Variants in WFDC3 observed in about 807,000 individuals in gnomAD.
WFDC3 encodes WAP four-disulfide core domain 3.
A neutral mutation model predicts 25.8 loss-of-function variants in WFDC3; 15 were observed. That is an observed-to-expected ratio of 0.58 (90% CI 0.39 to 0.89). The LOEUF is 0.89. Ranked by LOEUF, WFDC3 falls within the 40% of genes least tolerant of loss-of-function variation. WFDC3 has a pLI of 0.00. For synonymous variants in WFDC3, 103 were observed against 107.1 expected, an observed-to-expected ratio of 0.96 and a Z score of 0.24; for missense variants, 264 against 289.8, an observed-to-expected ratio of 0.91 and a Z score of 0.65.
intron 4 of WFDC3, among the ~76,000 whole-genome samples, chr20:45,782,620 C>T (rs1980499059): frequency 1.3e-5 from 2 of 152,132 alleles, no homozygotes; most frequent in Non-Finnish European, 2.9e-5. Context: ...TCGTGATCTG[C>T]CCGCATTGGC....
intron 4 of WFDC3, among the ~76,000 whole-genome samples, chr20:45,780,210 G>A (rs1216372675): frequency 6.6e-6 from 1 of 151,636 alleles, no homozygotes; most frequent in African/African-American, 2.4e-5. Context: ...CTGAGTAGCT[G>A]AACTATAGGC....
rs1233590377 is a variant in WFDC3 at position 45,775,401 on chromosome 20, A to G, written c.679+16T>C. On this transcript the variant is annotated intron_variant, in intron 6 of 6. Transcript: ENST00000243938. ...GCAGTTGTCTGTTATTGTTGATGAC[A>G]ATGGACTGTACTCACCTAATTCGGA... 6.2e-7 allele frequency: 1 copy of G among 1,612,100 alleles called. No individual in the cohort carries two copies. Among genetic ancestry groups the G allele is most frequent in the Non-Finnish European group, 8.5e-7 (1 of 1,178,660 alleles).
At chr20:45,790,915 T>A in intron 1 of WFDC3, 1 of 471,148 alleles carries the variant, frequency 2.1e-6, no homozygotes, top group East Asian at 6.9e-5. Context: ...ACTCAAATAG[T>A]CTGCCCACAT....
intron 4 of WFDC3, among the ~76,000 whole-genome samples, chr20:45,784,967 C>T (rs1980604827): frequency 6.6e-6 from 1 of 152,182 alleles, no homozygotes; most frequent in Admixed American, 6.5e-5. Context: ...AGGACTCCGA[C>T]AACCCAAACC....
At chr20:45,782,941 C>T (rs1234544869) in intron 4 of WFDC3, among the ~76,000 whole-genome samples, 1 of 152,202 alleles carries the variant, frequency 6.6e-6, no homozygotes, top group Non-Finnish European at 1.5e-5. Flanking sequence ...CTGGGCCCTG[C>T]CTACCTCTCC....
chr20:45,779,553 C>T (rs749692853), intron 4 of WFDC3, among the ~76,000 whole-genome samples: 16 of 152,046 alleles, frequency 1.1e-4, no homozygotes, highest in Admixed American at 6.6e-5. Context: ...ACTGTAACCA[C>T]CAAATGCATC....
intron 4 of WFDC3, among the ~76,000 whole-genome samples, chr20:45,783,105 G>A (rs952959225): frequency 6.6e-5 from 10 of 152,090 alleles, no homozygotes; most frequent in Non-Finnish European, 1.2e-4. Flanking sequence ...CAAGGACCAC[G>A]GCTGCCTTCC....
chr20:45,789,821 G>A (rs1980864844), intron 2 of WFDC3, 73 bp downstream of exon 2: 3 of 1,345,982 alleles, frequency 2.2e-6, no homozygotes, highest in Admixed American at 3.4e-5. Context: ...CTGGGAGAAG[G>A]CAGGGGATGA....
At chr20:45,785,249 C>T (rs564584375) in intron 4 of WFDC3, among the ~76,000 whole-genome samples, 16 of 152,182 alleles carry the variant, frequency 1.1e-4, no homozygotes, top group African/African-American at 3.9e-4. Context: ...GTGGGCAGAT[C>T]ACCTGAGGTC....
chr20:45,775,430 A>G lies in WFDC3; in HGVS notation c.666T>C (p.Ser222=). ...GACTGTACTCACCTAATTCGGAATC[A>G]GACCTCACAGTCCAGTTGGGGTTCA... ...LTMNPNWTVR[S]DSELEIPVP Residue 222 remains serine, a synonymous_variant, in exon 6 of 7, where the codon TCT becomes TCC. Coordinates refer to ENST00000243938, the MANE Select transcript of WFDC3 (RefSeq NM_080614.2). 6.2e-7 allele frequency: 1 copy of G among 1,614,202 alleles called. No individual in the cohort carries two copies. Among genetic ancestry groups the G allele is most frequent in the Non-Finnish European group, 8.5e-7 (1 of 1,180,004 alleles).
intron 1 of WFDC3, 74 bp from the exon 2 acceptor site, chr20:45,790,056 C>A (rs957914925): frequency 8.2e-7 from 1 of 1,226,510 alleles, no homozygotes; most frequent in Non-Finnish European, 1.2e-6. Flanking sequence ...GAGGTATGAG[C>A]AGGACTAGGG....
chr20:45,788,953 C>A lies in WFDC3; in HGVS notation c.189G>T (p.Arg63=), dbSNP rs761591455. ...EQKCCTTGCG[R]ICRDIPKGRK... is the part of the protein sequence containing the mutation. ...TACCCTTAGGAATGTCTCGGCAGATCCGACCACAGCCTGTGGTGCAGCACT... is the reference window on the plus strand; with the variant it reads ...TACCCTTAGGAATGTCTCGGCAGATACGACCACAGCCTGTGGTGCAGCACT... Residue 63 remains arginine (R), a synonymous_variant, in exon 3 of 7, where the codon CGG becomes CGT. Coordinates refer to ENST00000243938, the MANE Select transcript of WFDC3 (RefSeq NM_080614.2). 19 of 1,612,366 alleles carry A rather than the reference C, an allele frequency of 1.2e-5. No homozygotes were observed. Among genetic ancestry groups the A allele is most frequent in the Admixed American group, 3.4e-5 (2 of 59,474 alleles).
intron 4 of WFDC3, among the ~76,000 whole-genome samples, chr20:45,783,427 G>A (rs928200429): frequency 6.6e-6 from 1 of 151,932 alleles, no homozygotes; most frequent in Admixed American, 6.6e-5. Flanking sequence ...GCAGTGGGCT[G>A]AGATCACACC....
At position 45,785,467 on chromosome 20, in the gene WFDC3, A is replaced by AG. The variant is rs1444213260; in HGVS notation, c.358+2368_358+2369insC. Among the ~76,000 whole-genome samples the AG allele has an allele frequency of 3.3e-5, 5 of 151,976 alleles. No homozygotes were observed. In the East Asian group the frequency reaches 7.7e-4, roughly 24 times the overall value. Reference sequence around the variant, plus strand: ...CTGGGCGACAGCCTGTCTCAAAAAAAAAAAAAAAAAAGAACATTTCAGTAC... The same window carrying AG: ...CTGGGCGACAGCCTGTCTCAAAAAAAGAAAAAAAAAAAGAACATTTCAGTAC... On this transcript the variant is annotated intron_variant, in intron 4 of 6. Coordinates refer to ENST00000243938, the MANE Select transcript of WFDC3 (RefSeq NM_080614.2).
At chr20:45,781,524 G>GA (rs1980444665) in intron 4 of WFDC3, among the ~76,000 whole-genome samples, 1 of 152,136 alleles carries the variant, frequency 6.6e-6, no homozygotes, top group Admixed American at 6.5e-5. Context: ...AGGATACAAA[G>GA]AAAAATCATC....
intron 4 of WFDC3, among the ~76,000 whole-genome samples, chr20:45,780,380 T>A (rs1372425713): frequency 1.3e-5 from 2 of 152,160 alleles, no homozygotes; most frequent in African/African-American, 2.4e-5. Context: ...CCTGGCCCTT[T>A]GTACCTCTTT....
chr20:45,788,012 A>T, intron 3 of WFDC3, 30 bp from the exon 4 acceptor site: 1 of 1,605,800 alleles, frequency 6.2e-7, no homozygotes, highest in Non-Finnish European at 8.5e-7. Flanking sequence ...AGCAAAGAAA[A>T]GAGAAAATAG....
In WFDC3 at chr20:45,791,297, C is replaced by CT. The variant is rs74176818; in HGVS notation, c.-8+534dup. On this transcript the variant is annotated intron_variant, in intron 1 of 6. Coordinates refer to ENST00000243938, the MANE Select transcript of WFDC3 (RefSeq NM_080614.2). The stretch of plus-strand genomic sequence containing the variant: ...GATGACCTAACATGTGCCTAATGTG[C>CT]TTTTTTTTTTTTTTTTTTTGAGACA... Among the ~76,000 whole-genome samples, 148 of 79,150 alleles carry CT rather than the reference C, an allele frequency of 1.9e-3. 2 individuals carry two copies. The highest frequency in any genetic ancestry group is 8.6e-3 in the East Asian group (24 of 2,804). 51.9% of individuals were successfully genotyped at this position (79,150 alleles called of 152,430 possible).
Position 45,789,047 on chromosome 20 carries a change from T to A in WFDC3, c.95A>T (p.Glu32Val). The change falls in exon 3 of 7, where the codon GAA (glutamate) becomes GTA (valine). Residue 32 changes from glutamate (E) to valine (V), a missense_variant. Coordinates refer to ENST00000243938, the MANE Select transcript of WFDC3 (RefSeq NM_080614.2). ...ITAGEHAKEG[E>V]CPPHKNPCKE... ...GCATGGGTTCTTATGGGGAGGGCAT[T>A]CTCCCTCTTTTGCTGCAAAAGATAC... 6.2e-7 allele frequency: 1 copy of A among 1,612,296 alleles called. No homozygotes were observed. Among genetic ancestry groups the A allele is most frequent in the Non-Finnish European group, 8.5e-7 (1 of 1,179,606 alleles).
Sources: gnomAD v4.1 joint callset for allele counts (sites outside exome capture counted in the v4.1 genomes callset) on GRCh38, gnomAD v4.1.1 for gene constraint, MANE v1.5 for transcripts, NCBI Gene and HGNC (gene_info 2026-07-23, HGNC 2026-07-21) for gene names.